GRID2: variants seen among roughly 807,000 people sequenced by gnomAD.
The protein encoded by GRID2 is glutamate ionotropic receptor delta type subunit 2, also known as glutamate receptor ionotropic, delta-2.
A neutral mutation model predicts 114.8 loss-of-function variants in GRID2; 33 were observed. The ratio of observed to expected loss-of-function variants is 0.29; its 90% CI spans 0.22 to 0.38. GRID2 has a LOEUF of 0.38. GRID2 is among the 10% of genes least tolerant of loss of function. The probability of loss-of-function intolerance (pLI) is 1.00; values close to 1 mark genes in which losing one functional copy is unlikely to be tolerated. For synonymous variants in GRID2, 505 were observed against 449.9 expected (o/e 1.12, Z -1.55); for missense variants, 1,184 against 1,257.7 (o/e 0.94, Z 0.89).
chr4:93,246,781 C>G (rs1561038829), intron 8 of GRID2, among the ~76,000 whole-genome samples: 1 of 152,054 alleles, frequency 6.6e-6, no homozygotes, highest in Admixed American at 6.6e-5. Context: ...GATGGATATG[C>G]AGTCTAATAC....
intron 1 of GRID2, among the ~76,000 whole-genome samples, chr4:92,548,633 G>A (rs62307844): frequency 0.22 from 33,133 of 150,952 alleles, 4,523 homozygotes; most frequent in African/African-American, 0.39. Context: ...ACCTCAGGTG[G>A]TCAGCCCACC....
intron 2 of GRID2, among the ~76,000 whole-genome samples, chr4:92,927,016 C>A (rs965275749): frequency 1.3e-5 from 2 of 151,810 alleles, no homozygotes; most frequent in African/African-American, 4.8e-5. Context: ...ACCAGCTCTC[C>A]TTTAAAACCC....
chr4:93,448,512 C>T (rs1358674597), intron 10 of GRID2, among the ~76,000 whole-genome samples: 1 of 151,854 alleles, frequency 6.6e-6, no homozygotes, highest in Non-Finnish European at 1.5e-5. Context: ...TGACAAAAGT[C>T]AATCATATAT....
At chr4:92,432,606 A>C (rs560749068) in intron 1 of GRID2, among the ~76,000 whole-genome samples, 1 of 152,084 alleles carries the variant, frequency 6.6e-6, no homozygotes, top group South Asian at 2.1e-4. Context: ...GCTTGTAGTA[A>C]ACACTGTCAG....
At chr4:93,379,174 C>A (rs1274132812) in intron 8 of GRID2, among the ~76,000 whole-genome samples, 3 of 152,026 alleles carry the variant, frequency 2.0e-5, no homozygotes, top group South Asian at 2.1e-4. Flanking sequence ...CAAATATGAC[C>A]AACTTTCAGC....
chr4:92,936,171 T>C (rs543896440), intron 2 of GRID2, among the ~76,000 whole-genome samples: 1 of 147,156 alleles, frequency 6.8e-6, no homozygotes, highest in African/African-American at 2.4e-5. Flanking sequence ...CTTTCAATTG[T>C]TACATTTATA....
At chr4:93,286,957 GAA>G (rs1174995947) in intron 8 of GRID2, among the ~76,000 whole-genome samples, 2 of 152,050 alleles carry the variant, frequency 1.3e-5, no homozygotes, top group Non-Finnish European at 1.5e-5. Flanking sequence ...CATTCTAGCT[GAA>G]GTGTTTTTAT....
In GRID2 at chr4:93,234,529, T is replaced by A. The variant is rs184489982; in HGVS notation, c.1126-3842T>A. 3.9e-5 allele frequency among the ~76,000 whole-genome samples: 6 copies of A among 152,208 alleles called. No individual in the cohort carries two copies. The East Asian group carries it at 1.2e-3, about 29-fold the overall frequency. ...GTGAGTCTCTATTATGAATGACTAT[T>A]TGAGTGTATATGTATATATGCAAAT... is the stretch of plus-strand genomic sequence containing the variant. On this transcript the variant is annotated intron_variant, in intron 7 of 15. Coordinates refer to ENST00000282020, the MANE Select transcript of GRID2 (RefSeq NM_001510.4).
At chr4:93,776,066 G>C (rs1734363032), downstream of GRID2, among the ~76,000 whole-genome samples, 1 of 152,134 alleles carries the variant, frequency 6.6e-6, no homozygotes, top group Non-Finnish European at 1.5e-5. Context: ...TAGATTATAA[G>C]TATAGTAAAT....
intron 14 of GRID2, among the ~76,000 whole-genome samples, chr4:93,631,174 C>T (rs943205285): frequency 6.6e-6 from 1 of 152,098 alleles, no homozygotes; most frequent in African/African-American, 2.4e-5. Flanking sequence ...AAATGACACA[C>T]ACTTTTAACA....
intron 14 of GRID2, among the ~76,000 whole-genome samples, chr4:93,722,710 G>C (rs1436616719): frequency 6.6e-6 from 1 of 152,176 alleles, no homozygotes; most frequent in East Asian, 1.9e-4. Flanking sequence ...TCTGTCTCCT[G>C]CTCTCCATCT....
intron 2 of GRID2, among the ~76,000 whole-genome samples, chr4:92,864,763 A>G (rs897931310): frequency 6.6e-6 from 1 of 152,192 alleles, no homozygotes; most frequent in African/African-American, 2.4e-5. Context: ...TGACAGGGAC[A>G]CCATAGACTA....
chr4:92,789,410 C>G (rs1288264145), intron 2 of GRID2, among the ~76,000 whole-genome samples: 1 of 151,776 alleles, frequency 6.6e-6, no homozygotes, highest in Non-Finnish European at 1.5e-5. Context: ...TTTATTCTTT[C>G]CCTTTGGGAT....
At chr4:92,330,172 T>C (rs1211330530) in intron 1 of GRID2, among the ~76,000 whole-genome samples, 1 of 152,128 alleles carries the variant, frequency 6.6e-6, no homozygotes, top group East Asian at 1.9e-4. Flanking sequence ...ATGATAACAC[T>C]ATCATGTCAT....
chr4:93,192,001 A>C (rs745928789), intron 4 of GRID2, among the ~76,000 whole-genome samples: 5 of 152,118 alleles, frequency 3.3e-5, no homozygotes, highest in Non-Finnish European at 7.4e-5. Context: ...TCTAACAACA[A>C]TATTCTGCCC....
At chr4:93,487,393 A>G (rs1411426542) in intron 11 of GRID2, among the ~76,000 whole-genome samples, 1 of 151,784 alleles carries the variant, frequency 6.6e-6, no homozygotes, top group Non-Finnish European at 1.5e-5. Flanking sequence ...TTTCTTATAC[A>G]TTGCAGGCTA....
At chr4:93,183,024 A>C (rs1740044802) in intron 4 of GRID2, among the ~76,000 whole-genome samples, 1 of 152,240 alleles carries the variant, frequency 6.6e-6, no homozygotes, top group South Asian at 2.1e-4. Flanking sequence ...TTAGGATAAT[A>C]TCTGGCATTC....
chr4:93,179,616 G>A (rs966567908), intron 4 of GRID2, among the ~76,000 whole-genome samples: 1 of 152,162 alleles, frequency 6.6e-6, no homozygotes, highest in African/African-American at 2.4e-5. Context: ...GCCAGGCATT[G>A]TGCTAAGTAC....
intron 4 of GRID2, among the ~76,000 whole-genome samples, chr4:93,158,670 A>G (rs1737398433): frequency 6.6e-6 from 1 of 151,896 alleles, no homozygotes; most frequent in East Asian, 1.9e-4. Context: ...ACGATCTACC[A>G]TTTGAAGAGC....
Sources: allele counts gnomAD v4.1 joint callset (sites outside exome capture counted in the v4.1 genomes callset), GRCh38; gene constraint gnomAD v4.1.1; transcripts MANE v1.5; gene names NCBI Gene and HGNC (gene_info 2026-07-23, HGNC 2026-07-21).